The following CCSER1 variants were observed in gnomAD, a reference collection of about 807,000 sequenced individuals.
CCSER1 encodes serine-rich coiled-coil domain-containing protein 1.
CCSER1 carries 41 observed loss-of-function variants against 82.0 expected under a neutral mutation model. The ratio of observed to expected loss-of-function variants is 0.50; its 90% CI spans 0.39 to 0.65. The LOEUF (loss-of-function observed/expected upper bound fraction) is 0.65, where lower values mean the gene tolerates loss of function less well. Among genes scored for constraint, CCSER1 ranks in the 30% least tolerant of loss-of-function variants. The pLI, the probability that CCSER1 is intolerant of heterozygous loss-of-function variation, is 0.00. For synonymous variants in CCSER1, 414 were observed against 383.9 expected (o/e 1.08, Z -0.92); for missense variants, 1,119 against 1,064.2 (o/e 1.05, Z -0.72).
At chr4:90,248,080 C>T (rs988800780) in intron 1 of CCSER1, among the ~76,000 whole-genome samples, 1 of 152,014 alleles carries the variant, frequency 6.6e-6, no homozygotes, top group Non-Finnish European at 1.5e-5. Flanking sequence ...ATAAGTTGGG[C>T]AAATATATTT....
At chr4:91,588,333 A>T (rs1578864676) in intron 10 of CCSER1, among the ~76,000 whole-genome samples, 2 of 151,758 alleles carry the variant, frequency 1.3e-5, no homozygotes, top group Admixed American at 6.6e-5. Context: ...GTAGGAAAAA[A>T]GTGGTTGGCT....
At chr4:91,246,446 G>T (rs1484403578) in intron 10 of CCSER1, among the ~76,000 whole-genome samples, 1 of 152,036 alleles carries the variant, frequency 6.6e-6, no homozygotes, top group Non-Finnish European at 1.5e-5. Flanking sequence ...AAGACAGGAC[G>T]GAAGGAAGGA....
intron 1 of CCSER1, among the ~76,000 whole-genome samples, chr4:90,231,248 A>G (rs910680830): frequency 4.6e-5 from 7 of 152,210 alleles, no homozygotes; most frequent in South Asian, 2.1e-4. Flanking sequence ...ACTGAATCCA[A>G]CAGCACATCA....
chr4:90,877,391 C>G (rs190836995), intron 8 of CCSER1, among the ~76,000 whole-genome samples: 149 of 152,056 alleles, frequency 9.8e-4, no homozygotes, highest in South Asian at 3.5e-3. Context: ...AAGTATAATC[C>G]TGGAGGAAAG....
intron 4 of CCSER1, among the ~76,000 whole-genome samples, chr4:90,407,405 A>G (rs1753890277): frequency 6.6e-6 from 1 of 152,210 alleles, no homozygotes; most frequent in Non-Finnish European, 1.5e-5. Context: ...TGGATTCACA[A>G]CTGAATTCTA....
At chr4:91,554,513 C>T (rs1762314735) in intron 10 of CCSER1, among the ~76,000 whole-genome samples, 1 of 151,000 alleles carries the variant, frequency 6.6e-6, no homozygotes, top group Admixed American at 6.6e-5. Flanking sequence ...AATCTGTACA[C>T]TGAACACTGA....
chr4:91,430,419 C>T (rs1455060558), intron 10 of CCSER1, among the ~76,000 whole-genome samples: 1 of 152,170 alleles, frequency 6.6e-6, no homozygotes, highest in Non-Finnish European at 1.5e-5. Context: ...TTCATTCTAA[C>T]CTGTGCTGAC....
rs554850252 is a variant in CCSER1 at position 90,298,244 on chromosome 4, T to G, written c.-41-10000T>G. 4.7e-3 allele frequency among the ~76,000 whole-genome samples: 714 copies of G among 152,224 alleles called. 5 individuals carry two copies. The highest frequency in any genetic ancestry group is 7.7e-3 in the Admixed American group (118 of 15,264). Reference sequence around the variant, plus strand: ...TGGGAGGGTGTATGTGTCGAGGAATTTATCCATTTCTTCTAGATTTTCTAG... The same window carrying G: ...TGGGAGGGTGTATGTGTCGAGGAATGTATCCATTTCTTCTAGATTTTCTAG... On this transcript the variant is annotated intron_variant, in intron 1 of 10. Transcript: ENST00000509176.
chr4:90,785,981 T>C (rs1451133774), intron 7 of CCSER1, among the ~76,000 whole-genome samples: 1 of 152,224 alleles, frequency 6.6e-6, no homozygotes, highest in Non-Finnish European at 1.5e-5. Flanking sequence ...TATGTAAAAT[T>C]GTTTCCAAAC....
At chr4:90,894,412 A>G (rs891373714) in intron 8 of CCSER1, among the ~76,000 whole-genome samples, 8 of 152,058 alleles carry the variant, frequency 5.3e-5, no homozygotes, top group Admixed American at 4.6e-4. Flanking sequence ...ACATGAGCGC[A>G]TGGCCCTGTG....
At chr4:91,111,746 C>T (rs114313436) in intron 10 of CCSER1, among the ~76,000 whole-genome samples, 1,799 of 148,960 alleles carry the variant, frequency 0.012, 13 homozygotes, top group Non-Finnish European at 0.02. Flanking sequence ...AATAATAAAA[C>T]ATTAAACCAA....
At chr4:90,458,637 G>C (rs1478702271) in intron 4 of CCSER1, among the ~76,000 whole-genome samples, 2 of 152,166 alleles carry the variant, frequency 1.3e-5, no homozygotes, top group Admixed American at 1.3e-4. Flanking sequence ...TTAAAGGCGT[G>C]AGCCACCATG....
rs1384502624 is a variant in CCSER1, at chr4:91,095,436, C to G, written c.2217+9442C>G. On this transcript the variant is annotated intron_variant, in intron 10 of 10. Coordinates refer to ENST00000509176, the MANE Select transcript of CCSER1 (RefSeq NM_001145065.2). ...CACAGCCAGCAAATCAGTGTTCTGCCTGGCCTGGCCTTCACCCTCCTTATG... is the reference window on the plus strand; with the variant it reads ...CACAGCCAGCAAATCAGTGTTCTGCGTGGCCTGGCCTTCACCCTCCTTATG... Among the ~76,000 whole-genome samples the G allele has an allele frequency of 2.6e-5, 4 of 152,158 alleles. 1 individual carries two copies. Among genetic ancestry groups the G allele is most frequent in the Non-Finnish European group, 5.9e-5 (4 of 68,038 alleles).
At chr4:91,214,821 T>C (rs1263623661) in intron 10 of CCSER1, among the ~76,000 whole-genome samples, 1 of 152,176 alleles carries the variant, frequency 6.6e-6, no homozygotes, top group Non-Finnish European at 1.5e-5. Flanking sequence ...TTAAAATTGT[T>C]AATTAAATTT....
chr4:90,714,389 T>C (rs759197001), intron 6 of CCSER1, among the ~76,000 whole-genome samples: 1 of 151,968 alleles, frequency 6.6e-6, no homozygotes, highest in Non-Finnish European at 1.5e-5. Context: ...AGACTGTCAG[T>C]TAAATGTCGT....
intron 8 of CCSER1, among the ~76,000 whole-genome samples, chr4:90,830,641 T>C (rs1245456627): frequency 1.3e-5 from 2 of 152,178 alleles, no homozygotes; most frequent in African/African-American, 2.4e-5. Flanking sequence ...TCTGTTTTAC[T>C]AAATTCACAA....
intron 1 of CCSER1, among the ~76,000 whole-genome samples, chr4:90,138,780 G>A (rs1229081579): frequency 1.3e-5 from 2 of 151,882 alleles, no homozygotes; most frequent in African/African-American, 4.8e-5. Context: ...GTATACATGT[G>A]CCATGTTGGT....
At chr4:90,332,909 G>A (rs1444446041) in intron 3 of CCSER1, among the ~76,000 whole-genome samples, 1 of 152,000 alleles carries the variant, frequency 6.6e-6, no homozygotes, top group African/African-American at 2.4e-5. Flanking sequence ...ACAAAATCTA[G>A]GCTCCAATCC....
chr4:91,164,645 C>A (rs1731833529), intron 10 of CCSER1, among the ~76,000 whole-genome samples: 1 of 152,030 alleles, frequency 6.6e-6, no homozygotes, highest in Non-Finnish European at 1.5e-5. Flanking sequence ...ATTCTTTTTT[C>A]TCTAAACTTC....
Sources: gnomAD v4.1 joint callset for allele counts (sites outside exome capture counted in the v4.1 genomes callset) on GRCh38, gnomAD v4.1.1 for gene constraint, MANE v1.5 for transcripts, NCBI Gene and HGNC (gene_info 2026-07-23, HGNC 2026-07-21) for gene names.